MKI67: variants seen among roughly 807,000 people sequenced by gnomAD.
The protein encoded by MKI67 is marker of proliferation Ki-67.
Under a neutral mutation model 233.5 loss-of-function variants are expected in MKI67, and 152 were observed. The ratio of observed to expected loss-of-function variants is 0.65; its 90% CI spans 0.57 to 0.74. The LOEUF is 0.74. Ranked by LOEUF, MKI67 falls within the 30% of genes least tolerant of loss-of-function variation. MKI67 has a pLI of 0.00. For missense variants in MKI67, 3,940 were observed against 3,885.2 expected (o/e 1.01, Z -0.37); for synonymous variants, 1,465 against 1,418.5 (o/e 1.03, Z -0.74).
chr10:128,116,860 T>C (rs1852819055), intron 5 of MKI67, among the ~76,000 whole-genome samples: 1 of 152,118 alleles, frequency 6.6e-6, no homozygotes, highest in Admixed American at 6.5e-5. Context: ...TGAGCAGAGA[T>C]TGCACCACTG....
rs772083208 is a variant in MKI67, at chr10:128,099,189, G to A, written c.*1C>T. On this transcript the variant is annotated 3_prime_UTR_variant, in exon 15 of 15. Transcript: ENST00000368654. ...ATATTTTTCCCAGTTCGATTTTTCTGTCAAATATCTTCACTGTCCCTATGA... is the reference window on the plus strand; with the variant it reads ...ATATTTTTCCCAGTTCGATTTTTCTATCAAATATCTTCACTGTCCCTATGA... 3.7e-6 allele frequency: 6 copies of A among 1,607,728 alleles called. No individual in the cohort carries two copies. The African/African-American group carries it at 6.7e-5, about 18-fold the overall frequency.
rs751955967 is a variant in MKI67 at position 128,107,606 on chromosome 10, G to A, written c.4234C>T (p.Gln1412Ter). Reference sequence around the variant, plus strand: ...GTGTGTGTGGTTTCCCCTGATGTCTGTGTGAGCTTCTTCAGGGCTGAGAGC... The same window carrying A: ...GTGTGTGTGGTTTCCCCTGATGTCTATGTGAGCTTCTTCAGGGCTGAGAGC... ...KELSALKKLT[Q>*]TSGETTHTDK... is the part of the protein sequence containing the mutation. The change falls in exon 13 of 15, where the codon CAG (glutamine) becomes TAG (stop). Residue 1412 changes from glutamine to a stop codon, truncating the protein, a stop_gained. Coordinates refer to ENST00000368654, the MANE Select transcript of MKI67 (RefSeq NM_002417.5). LOFTEE classifies it high-confidence loss of function. The A allele has an allele frequency of 1.2e-6, 2 of 1,614,132 alleles. No individual in the cohort carries two copies. Among genetic ancestry groups the A allele is most frequent in the Non-Finnish European group, 1.7e-6 (2 of 1,180,026 alleles).
In MKI67 at chr10:128,108,786, TG is replaced by T; in HGVS notation, c.3053del (p.Pro1018GlnfsTer8). The stretch of plus-strand genomic sequence containing the variant: ...CCTTCAACTGTTGTTTTGTGTGTGT[TG>T]GGGTGTTTATTGGTTCTGGTTGTAA... ...QSLQPEPINT[P>X]THTKQQLKAS... is the part of the protein sequence containing the mutation. On this transcript the variant is annotated frameshift_variant, in exon 13 of 15. Transcript: ENST00000368654. LOFTEE classifies it high-confidence loss of function. 3.1e-6 allele frequency: 5 copies of T among 1,614,174 alleles called. No homozygotes were observed. Among genetic ancestry groups the T allele is most frequent in the Non-Finnish European group, 3.4e-6 (4 of 1,180,034 alleles).
intron 6 of MKI67, 103 bp from the exon 7 acceptor site, chr10:128,116,110 C>A: frequency 7.5e-7 from 1 of 1,334,486 alleles, no homozygotes; most frequent in Non-Finnish European, 1.0e-6. Context: ...GTCTTATAAG[C>A]TAGCTTTTAC....
At position 128,109,216 on chromosome 10, in the gene MKI67, G is replaced by T. The variant is rs1447941406; in HGVS notation, c.2624C>A (p.Ser875Ter). The T allele has an allele frequency of 6.2e-7, 1 of 1,614,086 alleles. No homozygotes were observed. Among genetic ancestry groups the T allele is most frequent in the Non-Finnish European group, 8.5e-7 (1 of 1,180,004 alleles). ...ATTCCTGAACTCTGTAGACCTTCCT[G>T]ACCTGTTTGCAGTGGATACTGTTTT... is the stretch of plus-strand genomic sequence containing the variant. ...PSKTVSTANRSGRSTEFRNIQ... is the reference protein window; with the variant it reads ...PSKTVSTANR The change falls in exon 13 of 15, where the codon TCA becomes TAA. Residue 875 changes from serine (S) to a stop codon, truncating the protein, a stop_gained. Coordinates refer to ENST00000368654, the MANE Select transcript of MKI67 (RefSeq NM_002417.5). LOFTEE classifies it high-confidence loss of function.
Position 128,103,153 on chromosome 10 carries a change from T to A in MKI67, c.8687A>T (p.Glu2896Val). The change falls in exon 13 of 15, where the codon GAA becomes GTA. Residue 2896 changes from glutamate (E) to valine (V), a missense_variant. Physicochemically the swap from Glu to Val is moderately radical, Grantham distance 121. Coordinates refer to ENST00000368654, the MANE Select transcript of MKI67 (RefSeq NM_002417.5). ...CTGTCTCCTGCTGCCAATTACATCT[T>A]CTGCGTCCAGCTTCCGCTTTGCAGG... ...KQPAKRKLDA[E>V]DVIGSRRQPR... The A allele has an allele frequency of 6.2e-7, 1 of 1,610,264 alleles. No individual in the cohort carries two copies. Among genetic ancestry groups the A allele is most frequent in the Non-Finnish European group, 8.5e-7 (1 of 1,178,754 alleles).
intron 2 of MKI67, among the ~76,000 whole-genome samples, chr10:128,123,802 C>T (rs191238035): frequency 3.3e-5 from 5 of 151,480 alleles, no homozygotes; most frequent in South Asian, 2.1e-4. Context: ...AATTTGCAAG[C>T]GACACAAAAA....
In MKI67 at chr10:128,097,050, TAC is replaced by T. The variant is rs1321294695; in HGVS notation, c.*2138_*2139del. The T allele has an allele frequency of 6.6e-6, 1 of 152,098 alleles. No homozygotes were observed. Among genetic ancestry groups the T allele is most frequent in the African/African-American group, 2.4e-5 (1 of 41,370 alleles). 9.4% of individuals were successfully genotyped at this position (152,098 alleles called of 1,614,324 possible). A position where few individuals can be genotyped will look rare whatever the true frequency, so the allele number is the denominator to read the frequency against. ...CCTAAGGGAGGCAGGAGATGGTAGG[TAC>T]AGAGTTAGTGTAAGAAAGCCCAAGA... On this transcript the variant is annotated 3_prime_UTR_variant, in exon 15 of 15. Coordinates refer to ENST00000368654, the MANE Select transcript of MKI67 (RefSeq NM_002417.5).
At chr10:128,116,440 G>T in intron 6 of MKI67, 51 bp downstream of exon 6, 1 of 1,534,094 alleles carries the variant, frequency 6.5e-7, no homozygotes, top group South Asian at 1.1e-5. Flanking sequence ...AATATGCTTC[G>T]CAAAGACCTG....
In MKI67 at chr10:128,104,358, C is replaced by T; in HGVS notation, c.7482G>A (p.Glu2494=). The change falls in exon 13 of 15, where the codon GAG becomes GAA. Residue 2494 remains glutamate, a synonymous_variant. Transcript: ENST00000368654. ...IPLVKVDMKE[E]PLAVSKLTRT... The stretch of plus-strand genomic sequence containing the variant: ...GTGTGAGCTTGCTGACTGCTAGGGG[C>T]TCTTCTTTCATGTCCACTTTCACCA... 6.2e-7 allele frequency: 1 copy of T among 1,614,160 alleles called. No individual in the cohort carries two copies. Among genetic ancestry groups the T allele is most frequent in the Non-Finnish European group, 8.5e-7 (1 of 1,180,038 alleles).
chr10:128,106,473 T>C lies in MKI67; in HGVS notation c.5367A>G (p.Val1789=), dbSNP rs1180721363. Residue 1789 remains valine, a synonymous_variant, in exon 13 of 15, where the codon GTA becomes GTG. Transcript: ENST00000368654. ...ACGTGTTGATGTCTTTCTCTTCACC[T>C]ACTGCTGGTTTGGGTGTGTGCATGG... ...GKAMHTPKPA[V]GEEKDINTFL... is the part of the protein sequence containing the mutation. The C allele has an allele frequency of 6.2e-7, 1 of 1,613,956 alleles. No homozygotes were observed. The highest frequency in any genetic ancestry group is 1.1e-5 in the South Asian group (1 of 91,070).
At position 128,115,786 on chromosome 10, in the gene MKI67, T is replaced by C. The variant is rs755613534; in HGVS notation, c.622A>G (p.Ser208Gly). The C allele has an allele frequency of 1.9e-6, 3 of 1,612,428 alleles. No individual in the cohort carries two copies. Among genetic ancestry groups the C allele is most frequent in the Non-Finnish European group, 2.5e-6 (3 of 1,180,034 alleles). The change falls in exon 7 of 15, where the codon AGC becomes GGC. Residue 208 changes from serine to glycine, a missense_variant. Physicochemically the swap from Ser to Gly is moderately conservative, Grantham distance 56. Coordinates refer to ENST00000368654, the MANE Select transcript of MKI67 (RefSeq NM_002417.5). ...PISGDFKEISSVKLVSRYGEL... is the reference protein window; with the variant it reads ...PISGDFKEISGVKLVSRYGEL... ...CCATAACGGCTCACTAATTTAACGCTGGAAATTTCTTTAAAATCCCCAGAA... is the reference window on the plus strand; with the variant it reads ...CCATAACGGCTCACTAATTTAACGCCGGAAATTTCTTTAAAATCCCCAGAA...
rs749988954 is a variant in MKI67, at chr10:128,106,572, C to G, written c.5268G>C (p.Lys1756Asn). The stretch of plus-strand genomic sequence containing the variant: ...CAGTGTCTGCTTTCCTGAGACTTCT[C>G]TTGGGCTGTGGCTTGGAGCTTGTTG... Reference protein sequence around the residue: ...DTPTSSKPQPKRSLRKADTEE... With the variant: ...DTPTSSKPQPNRSLRKADTEE... Residue 1756 changes from lysine (K) to asparagine (N), a missense_variant, in exon 13 of 15, where the codon AAG (lysine) becomes AAC (asparagine). Physicochemically the swap from Lys to Asn is moderately conservative, Grantham distance 94. Coordinates refer to ENST00000368654, the MANE Select transcript of MKI67 (RefSeq NM_002417.5). 4 of 1,614,068 alleles carry G rather than the reference C, an allele frequency of 2.5e-6. No individual in the cohort carries two copies. The African/African-American group carries it at 4.0e-5, about 16-fold the overall frequency.
rs183310208 is a variant in MKI67 at position 128,106,480 on chromosome 10, G to A, written c.5360C>T (p.Pro1787Leu). The part of the protein sequence containing the change: ...SAGKAMHTPK[P>L]AVGEEKDINT... The stretch of plus-strand genomic sequence containing the variant: ...GATGTCTTTCTCTTCACCTACTGCT[G>A]GTTTGGGTGTGTGCATGGCTTTGCC... The change falls in exon 13 of 15, where the codon CCA becomes CTA. Residue 1787 changes from proline to leucine, a missense_variant. Transcript: ENST00000368654. The A allele has an allele frequency of 3.1e-6, 5 of 1,613,808 alleles. No individual in the cohort carries two copies. The East Asian group carries it at 8.9e-5, about 29-fold the overall frequency.
rs147296171 is a variant in MKI67, at chr10:128,105,847, C to T, written c.5993G>A (p.Arg1998Gln). Residue 1998 changes from arginine to glutamine, a missense_variant, in exon 13 of 15, where the codon CGA becomes CAA. By Grantham distance (43) the Arg-to-Gln change is conservative. Transcript: ENST00000368654. Reference protein sequence around the residue: ...PVKTPTSSKQRLKISLGKVGV... With the variant: ...PVKTPTSSKQQLKISLGKVGV... ...TACTTTCCCCAAGGATATCTTGAGT[C>T]GTTGCTTGGAGCTTGTTGGGGTTTT... The T allele has an allele frequency of 5.3e-5, 86 of 1,613,878 alleles. 1 individual carries two copies. Among genetic ancestry groups the T allele is most frequent in the African/African-American group, 4.9e-4 (37 of 74,840 alleles).
Position 128,108,443 on chromosome 10 carries a change from G to A in MKI67, c.3397C>T (p.Pro1133Ser), listed in dbSNP as rs773335121. 3 of 1,613,904 alleles carry A rather than the reference G, an allele frequency of 1.9e-6. No homozygotes were observed. Among genetic ancestry groups the A allele is most frequent in the African/African-American group, 2.7e-5 (2 of 74,854 alleles). The change falls in exon 13 of 15, where the codon CCA (proline) becomes TCA (serine). Residue 1133 changes from proline (P) to serine (S), a missense_variant. By Grantham distance (74) the Pro-to-Ser change is moderately conservative. Coordinates refer to ENST00000368654, the MANE Select transcript of MKI67 (RefSeq NM_002417.5). The part of the protein sequence containing the change: ...KTTKIACKSP[P>S]PESVDTPTST... ...GTTGGAGTGTCCACTGATTCTGGTG[G>A]TGGAGATTTGCAGGCTATTTTGGTA...
rs200958563 is a variant in MKI67, at chr10:128,106,375, C to T, written c.5465G>A (p.Arg1822His). ...LPGSNRRLQT[R>H]KEKAQALEEL... is the part of the protein sequence containing the mutation. ...TTCTAGAGCCTGGGCCTTTTCCTTA[C>T]GAGTTTGTAGCCGTCTATTGCTGCC... Residue 1822 changes from arginine (R) to histidine (H), a missense_variant, in exon 13 of 15, where the codon CGT becomes CAT. Coordinates refer to ENST00000368654, the MANE Select transcript of MKI67 (RefSeq NM_002417.5). 1.8e-4 allele frequency: 291 copies of T among 1,610,886 alleles called. No homozygotes were observed. The highest frequency in any genetic ancestry group is 1.2e-4 in the Admixed American group (7 of 59,692).
Position 128,112,204 on chromosome 10 carries a change from C to G in MKI67, c.1898G>C (p.Arg633Pro), listed in dbSNP as rs76882822. The change falls in exon 9 of 15, where the codon CGA (arginine) becomes CCA (proline). Residue 633 changes from arginine (R) to proline (P), a missense_variant. Transcript: ENST00000368654. Reference sequence around the variant, plus strand: ...CATCTGTAAAATATCATGTTGACTTCGGCTGATAGACACTCTCTTTGAAGG... The same window carrying G: ...CATCTGTAAAATATCATGTTGACTTGGGCTGATAGACACTCTCTTTGAAGG... ...NLPSKRVSIS[R>P]SQHDILQMIC... 5.5e-5 allele frequency: 89 copies of G among 1,614,086 alleles called. No individual in the cohort carries two copies. Among genetic ancestry groups the G allele is most frequent in the Non-Finnish European group, 6.6e-5 (78 of 1,180,028 alleles).
intron 4 of MKI67, among the ~76,000 whole-genome samples, chr10:128,122,124 G>A (rs2136151465): frequency 6.6e-6 from 1 of 152,278 alleles, no homozygotes; most frequent in South Asian, 2.1e-4. Context: ...GTCTGCTAGG[G>A]CCACCATAAT....
Sources: allele counts gnomAD v4.1 joint callset (sites outside exome capture counted in the v4.1 genomes callset), GRCh38; gene constraint gnomAD v4.1.1; transcripts MANE v1.5; gene names NCBI Gene and HGNC (gene_info 2026-07-23, HGNC 2026-07-21).